Variants in GPHN observed in about 807,000 individuals in gnomAD.
GPHN encodes the protein gephyrin.
GPHN carries 17 observed loss-of-function variants against 95.5 expected under a neutral mutation model. The observed-to-expected ratio is 0.18, with a 90% CI of 0.12 to 0.27. GPHN has a LOEUF of 0.27. Ranked by LOEUF, GPHN falls within the 10% of genes least tolerant of loss-of-function variation. GPHN has a pLI of 1.00. For missense variants in GPHN, 660 were observed against 978.1 expected (o/e 0.67, Z 4.34); for synonymous variants, 320 against 322.5 (o/e 0.99, Z 0.08).
rs151192745 is a variant in GPHN, at chr14:66,928,946, A to C, written c.828+4654A>C. 2.5e-3 allele frequency among the ~76,000 whole-genome samples: 383 copies of C among 151,830 alleles called. 2 individuals carry two copies. Among genetic ancestry groups the C allele is most frequent in the African/African-American group, 8.9e-3 (367 of 41,414 alleles). Reference sequence around the variant, plus strand: ...AACATATCGTCTGTCCTTGAGAATGATTCGTGTGCTGAGGAGAAGAATGTG... The same window carrying C: ...AACATATCGTCTGTCCTTGAGAATGCTTCGTGTGCTGAGGAGAAGAATGTG... On this transcript the variant is annotated intron_variant, in intron 8 of 22. Coordinates refer to ENST00000478722, the MANE Select transcript of GPHN (RefSeq NM_020806.5).
At chr14:67,662,179 C>CA in the GPHN span, among the ~76,000 whole-genome samples, 1,353 of 141,524 alleles carry the variant, frequency 9.6e-3, 8 homozygotes, top group East Asian at 0.023. Flanking sequence ...ACAACAACAA[C>CA]AAAAAAAAAA....
At chr14:67,160,868 T>C (rs951379709) in intron 19 of GPHN, among the ~76,000 whole-genome samples, 2 of 152,234 alleles carry the variant, frequency 1.3e-5, no homozygotes, top group African/African-American at 4.8e-5. Flanking sequence ...CCATTTTTAG[T>C]ATAGAATTAA....
chr14:66,914,902 C>T, intron 5 of GPHN, among the ~76,000 whole-genome samples: 1 of 152,066 alleles, frequency 6.6e-6, no homozygotes. Flanking sequence ...CACTAAAGTA[C>T]TTTATCCAAT....
At chr14:67,539,359 G>A in the GPHN span, among the ~76,000 whole-genome samples, 1 of 152,172 alleles carries the variant, frequency 6.6e-6, no homozygotes, top group South Asian at 2.1e-4. Flanking sequence ...CACAATGCAG[G>A]GATTGTTTAG....
At chr14:67,123,369 C>T (rs1458916445) in intron 17 of GPHN, among the ~76,000 whole-genome samples, 1 of 152,220 alleles carries the variant, frequency 6.6e-6, no homozygotes, top group African/African-American at 2.4e-5. Flanking sequence ...TCACACTGGA[C>T]ATAGTCTAAC....
chr14:66,819,560 C>T (rs1454338949), intron 3 of GPHN, among the ~76,000 whole-genome samples: 2 of 151,970 alleles, frequency 1.3e-5, no homozygotes, highest in African/African-American at 4.8e-5. Flanking sequence ...GTTACTGTAG[C>T]CCTATAGTAT....
chr14:66,525,467 C>T (rs190097818), intron 1 of GPHN, among the ~76,000 whole-genome samples: 11 of 152,246 alleles, frequency 7.2e-5, no homozygotes, highest in Admixed American at 3.9e-4. Context: ...ATGGTAGTTT[C>T]TTTTGCTGTG....
chr14:67,474,209 G>A, the GPHN span, among the ~76,000 whole-genome samples: 2 of 151,484 alleles, frequency 1.3e-5, no homozygotes, highest in South Asian at 4.2e-4. Context: ...CCAAGATTGC[G>A]CCACTGCACT....
chr14:67,323,232 C>CGTGTGTGTGTGTGTGTGTGTGT, the GPHN span, among the ~76,000 whole-genome samples: 21 of 143,592 alleles, frequency 1.5e-4, no homozygotes, highest in African/African-American at 5.2e-4. Flanking sequence ...CATATATACA[C>CGTGTGTGTGTGTGTGTGTGTGT]GTGTGTGTGT....
At chr14:67,277,127 A>T in the GPHN span, among the ~76,000 whole-genome samples, 1 of 152,342 alleles carries the variant, frequency 6.6e-6, no homozygotes, top group East Asian at 1.9e-4. Flanking sequence ...AAAAAGCTGA[A>T]TTTGCATTTG....
the GPHN span, among the ~76,000 whole-genome samples, chr14:67,375,689 ACT>A: frequency 1.3e-5 from 2 of 152,212 alleles, no homozygotes; most frequent in Non-Finnish European, 1.5e-5. Context: ...ATTTGAAAAC[ACT>A]GTCAGTAAAA....
rs2080609035 is a variant in GPHN at position 67,143,345 on chromosome 14, TCTTTA to T, written c.1749-16_1749-12del. 6.5e-7 allele frequency: 1 copy of T among 1,539,580 alleles called. No individual in the cohort carries two copies. On this transcript the variant is annotated splice_polypyrimidine_tract_variant and intron_variant, in intron 17 of 22. Transcript: ENST00000478722. Reference sequence around the variant, plus strand: ...TTTTCCTTGTGTGTTAATTTCTTTGTCTTTATTTTTTTCCAGCCCAGATGACTTAC... The same window carrying T: ...TTTTCCTTGTGTGTTAATTTCTTTGTTTTTTTTCCAGCCCAGATGACTTAC...
At chr14:66,810,608 A>T (rs139034419) in intron 3 of GPHN, among the ~76,000 whole-genome samples, 243 of 152,232 alleles carry the variant, frequency 1.6e-3, no homozygotes, top group African/African-American at 5.7e-3. Flanking sequence ...GTATTCTCAC[A>T]TCAAATTTTG....
At chr14:67,187,455 C>T in the GPHN span, among the ~76,000 whole-genome samples, 4 of 152,186 alleles carry the variant, frequency 2.6e-5, no homozygotes, top group East Asian at 7.7e-4. Context: ...TTAACTCCCT[C>T]CTTTCCATTG....
chr14:66,913,257 C>A (rs1484360289), intron 5 of GPHN, among the ~76,000 whole-genome samples: 1 of 152,148 alleles, frequency 6.6e-6, no homozygotes, highest in Non-Finnish European at 1.5e-5. Flanking sequence ...ACAATATACT[C>A]AAAATGCACT....
chr14:67,691,104 G>T, the GPHN span: 1 of 1,430,558 alleles, frequency 7.0e-7, no homozygotes, highest in Non-Finnish European at 9.9e-7. Flanking sequence ...AGAATTTTGG[G>T]TCTCTCTAGC....
the GPHN span, chr14:67,349,184 T>A: frequency 2.3e-6 from 3 of 1,318,998 alleles, no homozygotes; most frequent in African/African-American, 2.9e-5. Flanking sequence ...GTTTTAACAT[T>A]AAATGAGACC....
chr14:67,718,544 G>A, the GPHN span, among the ~76,000 whole-genome samples: 1 of 152,160 alleles, frequency 6.6e-6, no homozygotes, highest in Admixed American at 6.5e-5. Context: ...TGGCTGATCC[G>A]GGAACCTGAC....
chr14:66,858,799 G>C (rs565447190), intron 4 of GPHN, among the ~76,000 whole-genome samples: 23 of 152,124 alleles, frequency 1.5e-4, no homozygotes, highest in African/African-American at 5.5e-4. Context: ...TCCCATGCCT[G>C]GCAGCATTCA....
Sources: allele counts gnomAD v4.1 joint callset (sites outside exome capture counted in the v4.1 genomes callset), GRCh38; gene constraint gnomAD v4.1.1; transcripts MANE v1.5; gene names NCBI Gene and HGNC (gene_info 2026-07-23, HGNC 2026-07-21).